Variants in DYDC2 observed in about 807,000 individuals in gnomAD.
DYDC2 encodes DPY30 domain containing 2.
In DYDC2, 19 loss-of-function variants were observed where a neutral mutation model predicts 18.7. The ratio of observed to expected loss-of-function variants is 1.02; its 90% confidence interval spans 0.71 to 1.49. The LOEUF (loss-of-function observed/expected upper bound fraction) is 1.49, where lower values mean the gene tolerates loss of function less well. Ranked by LOEUF, DYDC2 falls within the 40% of genes most tolerant of loss-of-function variation. The probability of loss-of-function intolerance (pLI) is 0.00; values close to 1 mark genes in which losing one functional copy is unlikely to be tolerated. For synonymous variants in DYDC2, 63 were observed against 67.6 expected, an observed-to-expected ratio of 0.93 and a Z score of 0.34; for missense variants, 179 against 205.1, an observed-to-expected ratio of 0.87 and a Z score of 0.78.
At chr10:80,358,473 A>G (rs1843527604) in intron 2 of DYDC2, among the ~76,000 whole-genome samples, 1 of 152,170 alleles carries the variant, frequency 6.6e-6, no homozygotes, top group Non-Finnish European at 1.5e-5. Context: ...ACCATATTTT[A>G]GCGACTGTTG....
intron 1 of DYDC2, among the ~76,000 whole-genome samples, chr10:80,345,131 T>C (rs1842536177): frequency 6.6e-6 from 1 of 152,210 alleles, no homozygotes; most frequent in Non-Finnish European, 1.5e-5. Flanking sequence ...TATTTGAATC[T>C]ATTATGTGTT....
chr10:80,352,936 T>C (rs1843093588), upstream of DYDC2, among the ~76,000 whole-genome samples: 1 of 152,064 alleles, frequency 6.6e-6, no homozygotes, highest in Non-Finnish European at 1.5e-5. Flanking sequence ...ACAACATACC[T>C]GAAAAATGGG....
intron 4 of DYDC2, among the ~76,000 whole-genome samples, chr10:80,363,733 C>A (rs1429784641): frequency 6.6e-6 from 1 of 152,088 alleles, no homozygotes; most frequent in Non-Finnish European, 1.5e-5. Flanking sequence ...AAGTAGTATT[C>A]AGTATTTTTC....
Position 80,363,143 on chromosome 10 carries a change from C to T in DYDC2, c.270+70C>T. 2.0e-6 allele frequency: 3 copies of T among 1,523,610 alleles called. No individual in the cohort carries two copies. The South Asian group carries it at 4.1e-5, about 21-fold the overall frequency. The allele number at this position is 1,523,610 out of a possible 1,614,324, so 94.4% of individuals were successfully genotyped here. A position where few individuals can be genotyped will look rare whatever the true frequency, so the allele number is the denominator to read the frequency against. ...GATGGACTCCAGGAAAGCCACAAGT[C>T]AGCCCAGTCCCAATCCAAGGCACAT... On this transcript the variant is annotated intron_variant, in intron 4 of 4. Coordinates refer to ENST00000256039, the MANE Select transcript of DYDC2 (RefSeq NM_032372.6).
chr10:80,358,641 C>T (rs1350321831), intron 2 of DYDC2, among the ~76,000 whole-genome samples: 1 of 152,158 alleles, frequency 6.6e-6, no homozygotes, highest in East Asian at 1.9e-4. Flanking sequence ...GACAGTTCTA[C>T]AGTGATCCAG....
chr10:80,361,351 T>C (rs1843660136), intron 2 of DYDC2, among the ~76,000 whole-genome samples: 1 of 152,258 alleles, frequency 6.6e-6, no homozygotes, highest in African/African-American at 2.4e-5. Flanking sequence ...TTGTTGGTGA[T>C]GTTTACTTTG....
chr10:80,366,088 A>C (rs1345987193), intron 4 of DYDC2, among the ~76,000 whole-genome samples: 2 of 127,186 alleles, frequency 1.6e-5, no homozygotes, highest in African/African-American at 6.0e-5. Flanking sequence ...GCTGGAGTGC[A>C]GTGGCAAGAT....
At chr10:80,345,552 A>G (rs1299788030) in intron 1 of DYDC2, among the ~76,000 whole-genome samples, 2 of 152,110 alleles carry the variant, frequency 1.3e-5, no homozygotes, top group Non-Finnish European at 2.9e-5. Context: ...AATTTTGTAC[A>G]TTTTGACCTA....
At position 80,366,736 on chromosome 10, in the gene DYDC2, G is replaced by C; in HGVS notation, c.319G>C (p.Glu107Gln). 1 of 1,613,884 alleles carries C rather than the reference G, an allele frequency of 6.2e-7. No homozygotes were observed. The highest frequency in any genetic ancestry group is 1.1e-5 in the South Asian group (1 of 91,050). Reference protein sequence around the residue: ...VSTKKTIFMQEDTNPLEKEAL... With the variant: ...VSTKKTIFMQQDTNPLEKEAL... ...CACGAAGAAGACCATATTCATGCAG[G>C]AGGACACAAACCCCCTTGAGAAGGA... Residue 107 changes from glutamate to glutamine, a missense_variant, in exon 5 of 5, where the codon GAG becomes CAG. Glu to Gln is a conservative substitution (Grantham distance 29). Coordinates refer to ENST00000256039, the MANE Select transcript of DYDC2 (RefSeq NM_032372.6).
At chr10:80,352,141 T>G, upstream of DYDC2, 1 of 806,520 alleles carries the variant, frequency 1.2e-6, no homozygotes. Context: ...AATGATATAA[T>G]AATTTGGGAA....
At chr10:80,354,029 T>C, upstream of DYDC2, among the ~76,000 whole-genome samples, 1 of 151,196 alleles carries the variant, frequency 6.6e-6, no homozygotes, top group African/African-American at 2.4e-5. Flanking sequence ...GGCAGGAGAA[T>C]GGGGTGAACC....
intron 4 of DYDC2, among the ~76,000 whole-genome samples, chr10:80,365,481 A>G (rs1843799135): frequency 6.6e-6 from 1 of 152,240 alleles, no homozygotes; most frequent in Non-Finnish European, 1.5e-5. Context: ...ATGTATTTTT[A>G]TAGAATGAAT....
intron 2 of DYDC2, 151 bp from the exon 3 acceptor site, chr10:80,362,284 A>G (rs1843686651): frequency 9.8e-6 from 11 of 1,121,184 alleles, no homozygotes; most frequent in Middle Eastern, 3.2e-4. Flanking sequence ...ATATAACAGC[A>G]AGTAAGTGTT....
chr10:80,358,929 A>G (rs989870546), intron 2 of DYDC2, among the ~76,000 whole-genome samples: 2 of 152,154 alleles, frequency 1.3e-5, no homozygotes, highest in African/African-American at 4.8e-5. Flanking sequence ...TCAGAAGTGA[A>G]GCTGCAGACC....
At chr10:80,352,031 G>T (rs370225892), upstream of DYDC2, 15 of 1,602,326 alleles carry the variant, frequency 9.4e-6, no homozygotes, top group African/African-American at 1.7e-4. Context: ...AACAGCACAC[G>T]ACTTCTTAGC....
intron 2 of DYDC2, among the ~76,000 whole-genome samples, chr10:80,358,443 G>C (rs1843523762): frequency 6.6e-6 from 1 of 152,192 alleles, no homozygotes; most frequent in Non-Finnish European, 1.5e-5. Context: ...ATGGCTCTAT[G>C]CTGGCTCTAC....
In DYDC2 at chr10:80,348,788, A is replaced by T. The variant is rs776231356; in HGVS notation, c.-310+3973A>T. On this transcript the variant is annotated intron_variant, in intron 1 of 4. Transcript: ENST00000372197. ...TCTAAGGAATGAATATGCTTAATTT[A>T]AATTATACACACATAGACTGATAGC... is the stretch of plus-strand genomic sequence containing the variant. Among the ~76,000 whole-genome samples, 58 of 152,272 alleles carry T rather than the reference A, an allele frequency of 3.8e-4. 1 individual carries two copies. Among genetic ancestry groups the T allele is most frequent in the Non-Finnish European group, 7.6e-4 (52 of 68,040 alleles).
intron 1 of DYDC2, among the ~76,000 whole-genome samples, chr10:80,346,778 A>G (rs1262671120): frequency 6.6e-6 from 1 of 151,804 alleles, no homozygotes; most frequent in Non-Finnish European, 1.5e-5. Flanking sequence ...TCCCTTTCTG[A>G]TAACAGCCAT....
chr10:80,354,140 A>G (rs997309502), upstream of DYDC2, among the ~76,000 whole-genome samples: 2 of 149,144 alleles, frequency 1.3e-5, no homozygotes, highest in Non-Finnish European at 3.0e-5. Context: ...ATATATATAT[A>G]TATATTTTTT....
Sources: allele counts gnomAD v4.1 joint callset (sites outside exome capture counted in the v4.1 genomes callset), GRCh38; gene constraint gnomAD v4.1.1; transcripts MANE v1.5; gene names NCBI Gene and HGNC (gene_info 2026-07-23, HGNC 2026-07-21).